Variants in LRP1 observed in about 807,000 individuals in gnomAD.
The protein encoded by LRP1 is prolow-density lipoprotein receptor-related protein 1.
In LRP1, 51 loss-of-function variants were observed where a neutral mutation model predicts 541.5. The ratio of observed to expected loss-of-function variants is 0.09; its 90% confidence interval spans 0.08 to 0.12. The LOEUF (loss-of-function observed/expected upper bound fraction) is 0.12, where lower values mean the gene tolerates loss of function less well. Among genes scored for constraint, LRP1 ranks in the 10% least tolerant of loss-of-function variants. LRP1 has a pLI of 1.00. For missense variants in LRP1, 3,878 were observed against 6,376.2 expected (o/e 0.61, Z 13.34); for synonymous variants, 2,219 against 2,470.8 (o/e 0.90, Z 3.02).
At chr12:57,200,607 G>A (rs2036628950) in intron 63 of LRP1, 72 bp downstream of exon 63, 3 of 1,550,838 alleles carry the variant, frequency 1.9e-6, no homozygotes, top group Non-Finnish European at 2.7e-6. Flanking sequence ...GCTTTGAATG[G>A]CCACTGGAGA....
At position 57,145,029 on chromosome 12, in the gene LRP1, G is replaced by T; in HGVS notation, c.506G>T (p.Gly169Val). The change falls in exon 5 of 89, where the codon GGC (glycine) becomes GTC (valine). Residue 169 changes from glycine (G) to valine (V), a missense_variant. Gly to Val is a moderately radical substitution (Grantham distance 109). Around this residue, in one of 13 missense-constraint regions of LRP1, gnomAD observed 293 missense variants for 403.7 expected, o/e 0.73. Transcript: ENST00000243077. Reference protein sequence around the residue: ...TCSQLCTNTDGSFICGCVEGY... With the variant: ...TCSQLCTNTDVSFICGCVEGY... ...AGCCAGCTATGCACCAACACAGACG[G>T]CTCCTTCATATGTGGCTGTGTTGAA... 1.9e-6 allele frequency: 3 copies of T among 1,614,050 alleles called. No individual in the cohort carries two copies. Among genetic ancestry groups the T allele is most frequent in the Non-Finnish European group, 2.5e-6 (3 of 1,180,020 alleles).
At position 57,183,544 on chromosome 12, in the gene LRP1, G is replaced by T; in HGVS notation, c.5794+34G>T. 6.2e-7 allele frequency: 1 copy of T among 1,602,068 alleles called. No individual in the cohort carries two copies. ...TTTGGTGGCAGAGGGAGTTGGGCGTGGCGTAGGAGCTTTAGGGGTGGTGTG... is the reference window on the plus strand; with the variant it reads ...TTTGGTGGCAGAGGGAGTTGGGCGTTGCGTAGGAGCTTTAGGGGTGGTGTG... On this transcript the variant is annotated intron_variant, in intron 35 of 88. Transcript: ENST00000243077. This position sits in a 1 kb window ranked among gnomAD's most constrained non-coding sequence, Gnocchi z 6.1.
chr12:57,128,997 C>G lies in LRP1; in HGVS notation c.33C>G (p.Pro11=). 3 of 1,551,396 alleles carry G rather than the reference C, an allele frequency of 1.9e-6. No individual in the cohort carries two copies. Among genetic ancestry groups the G allele is most frequent in the East Asian group, 2.4e-5 (1 of 40,886 alleles). ...CCCCGCCGTTGCTCCTGCTGCTGCC[C>G]CTGCTCTCAGCTCTGGTCGCGGCGG... is the stretch of plus-strand genomic sequence containing the variant. MLTPPLLLLL[P]LLSALVAAAI... Residue 11 remains proline (P), a synonymous_variant, in exon 1 of 89, where the codon CCC becomes CCG. Transcript: ENST00000243077.
At chr12:57,155,057 G>A (rs2035593784) in intron 8 of LRP1, 1 of 530,436 alleles carries the variant, frequency 1.9e-6, no homozygotes, top group Admixed American at 3.4e-5. Flanking sequence ...TACAAAGCCG[G>A]GTGATAGCAC....
At chr12:57,129,098 T>C in intron 1 of LRP1, 67 bp downstream of exon 1, 2 of 1,458,006 alleles carry the variant, frequency 1.4e-6, no homozygotes, top group Non-Finnish European at 1.9e-6. Flanking sequence ...CACTCCTGCA[T>C]ACGGATGGGG....
rs1347909991 is a variant in LRP1, at chr12:57,178,647, C to T, written c.4606+44C>T. The stretch of plus-strand genomic sequence containing the variant: ...CGAGCAGCCGGAAGGGAGCCAGCAG[C>T]CTCTTTAGAAGCTGTAGAAGCTCTT... On this transcript the variant is annotated intron_variant, in intron 27 of 88. Coordinates refer to ENST00000243077, the MANE Select transcript of LRP1 (RefSeq NM_002332.3). This position sits in a 1 kb window ranked among gnomAD's most constrained non-coding sequence, Gnocchi z 5.8. 11 of 1,612,000 alleles carry T rather than the reference C, an allele frequency of 6.8e-6. No homozygotes were observed. The highest frequency in any genetic ancestry group is 8.5e-6 in the Non-Finnish European group (10 of 1,178,786).
intron 79 of LRP1, 30 bp from the exon 80 acceptor site, chr12:57,209,662 G>A (rs1293603796): frequency 1.3e-5 from 21 of 1,608,620 alleles, no homozygotes; most frequent in Non-Finnish European, 1.7e-5. Flanking sequence ...GTGCCCCTCA[G>A]GTCCCCTCTG....
chr12:57,203,165 C>A lies in LRP1; in HGVS notation c.10712-16C>A. The A allele has an allele frequency of 1.3e-6, 2 of 1,547,348 alleles. No homozygotes were observed. Among genetic ancestry groups the A allele is most frequent in the Non-Finnish European group, 8.8e-7 (1 of 1,141,012 alleles). On this transcript the variant is annotated splice_polypyrimidine_tract_variant and intron_variant, in intron 68 of 88. Coordinates refer to ENST00000243077, the MANE Select transcript of LRP1 (RefSeq NM_002332.3). ...GTGCCCACCCTCCTGGGCCTGTCTC[C>A]CCCTGTCCTTCCCAGCCCCTCGGCC...
At chr12:57,200,092 C>A in intron 62 of LRP1, 67 bp downstream of exon 62, 1 of 1,379,342 alleles carries the variant, frequency 7.2e-7, no homozygotes, top group Non-Finnish European at 1.0e-6. Context: ...CCTTGGACCC[C>A]AACACCTGCT....
In LRP1 at chr12:57,185,010, C is replaced by T. The variant is rs1321124653; in HGVS notation, c.6338+20C>T. 6.2e-7 allele frequency: 1 copy of T among 1,613,902 alleles called. No individual in the cohort carries two copies. Among genetic ancestry groups the T allele is most frequent in the South Asian group, 1.1e-5 (1 of 91,066 alleles). On this transcript the variant is annotated intron_variant, in intron 39 of 88. Transcript: ENST00000243077. The surrounding 1 kb of genome is among the most constrained non-coding windows in gnomAD (Gnocchi z 4.9). Reference sequence around the variant, plus strand: ...TGACAGGTGAGGGCTTCTGTCCTGGCCTCCTCAGCTGATCTCTTCCTTCCC... The same window carrying T: ...TGACAGGTGAGGGCTTCTGTCCTGGTCTCCTCAGCTGATCTCTTCCTTCCC...
Position 57,165,705 on chromosome 12 carries a change from T to C in LRP1, c.2531-100T>C. The C allele has an allele frequency of 1.6e-6, 2 of 1,258,804 alleles. No homozygotes were observed. The highest frequency in any genetic ancestry group is 2.4e-5 in the East Asian group (1 of 41,750). 78.0% of individuals were successfully genotyped at this position (1,258,804 alleles called of 1,614,324 possible). A position where few individuals can be genotyped will look rare whatever the true frequency, so the allele number is the denominator to read the frequency against. ...TACTAGAAAAAATTACTTTGTATTA[T>C]TAAAAAATAGTAAAACAAACAAAAA... On this transcript the variant is annotated intron_variant, in intron 15 of 88. Transcript: ENST00000243077. This position sits in a 1 kb window ranked among gnomAD's most constrained non-coding sequence, Gnocchi z 4.5.
intron 61 of LRP1, 23 bp downstream of exon 61, chr12:57,199,423 C>T (rs758533043): frequency 5.0e-6 from 8 of 1,599,484 alleles, no homozygotes; most frequent in Non-Finnish European, 6.0e-6. Context: ...GGGGTGGGAG[C>T]AGGCGAACGG....
intron 6 of LRP1, chr12:57,149,496 G>A (rs1211690985): frequency 1.6e-6 from 1 of 612,770 alleles, no homozygotes; most frequent in Non-Finnish European, 2.9e-6. Context: ...CAAGCCAAAG[G>A]AAGTAACTTA....
At chr12:57,167,229 T>G (rs1186982371) in intron 18 of LRP1, among the ~76,000 whole-genome samples, 183 bp downstream of exon 18, 1 of 151,886 alleles carries the variant, frequency 6.6e-6, no homozygotes, top group East Asian at 1.9e-4. Flanking sequence ...AGCAAACTCA[T>G]GCAGGAAAAG....
At chr12:57,166,279 G>A (rs988756108) in intron 17 of LRP1, 70 bp downstream of exon 17, 17 of 1,515,110 alleles carry the variant, frequency 1.1e-5, no homozygotes, top group Non-Finnish European at 1.4e-5. Context: ...AGGGGGCCAG[G>A]TTCAGTGGCT....
At chr12:57,182,829 CAAAG>C (rs2036192438) in intron 34 of LRP1, among the ~76,000 whole-genome samples, 2 of 151,812 alleles carry the variant, frequency 1.3e-5, no homozygotes, top group African/African-American at 4.8e-5. Flanking sequence ...AAAAAACAAA[CAAAG>C]AAAAACAAAA....
At chr12:57,157,472 G>A (rs768725239) in intron 10 of LRP1, among the ~76,000 whole-genome samples, 3 of 152,190 alleles carry the variant, frequency 2.0e-5, no homozygotes, top group Admixed American at 2.0e-4. Flanking sequence ...TTAGCTGGGT[G>A]TGATGGTGCG....
chr12:57,130,562 G>C (rs1253837091), intron 1 of LRP1, among the ~76,000 whole-genome samples: 1 of 152,086 alleles, frequency 6.6e-6, no homozygotes, highest in African/African-American at 2.4e-5. Context: ...CCTGTGAGGT[G>C]AGAAGGGAAA....
rs1308905372 is a variant in LRP1, at chr12:57,184,462, C to A, written c.6186+10C>A. ...CTCAGTGGACTACCAGGTTCGCACG[C>A]CAACTTGGCCTTGGATCCGATGGTA... On this transcript the variant is annotated intron_variant, in intron 38 of 88. Transcript: ENST00000243077. The surrounding 1 kb of genome is among the most constrained non-coding windows in gnomAD (Gnocchi z 7.8). 2.5e-6 allele frequency: 4 copies of A among 1,614,048 alleles called. No homozygotes were observed.
Sources: gnomAD v4.1 joint callset for allele counts (sites outside exome capture counted in the v4.1 genomes callset) on GRCh38, gnomAD v4.1.1 for gene constraint, gnomAD v4.1.1 regional missense constraint, Gnocchi (gnomAD v3.1) non-coding constraint, MANE v1.5 for transcripts, NCBI Gene and HGNC (gene_info 2026-07-23, HGNC 2026-07-21) for gene names.